The following SEPTIN10 variants were observed in gnomAD, a reference collection of about 807,000 sequenced individuals.
SEPTIN10 encodes the protein septin 10.
A neutral mutation model predicts 54.8 loss-of-function variants in SEPTIN10; 66 were observed. The ratio of observed to expected loss-of-function variants is 1.21; its 90% confidence interval spans 0.99 to 1.48. The LOEUF (loss-of-function observed/expected upper bound fraction) is 1.48, where lower values mean the gene tolerates loss of function less well. Among genes scored for constraint, SEPTIN10 ranks in the 40% most tolerant of loss-of-function variants. The pLI is 0.00. For synonymous variants in SEPTIN10, 161 were observed against 181.0 expected (o/e 0.89, Z 0.89); for missense variants, 620 against 545.6 (o/e 1.14, Z -1.36).
At chr2:109,560,579 C>G (rs1685435530) in intron 8 of SEPTIN10, among the ~76,000 whole-genome samples, 1 of 152,116 alleles carries the variant, frequency 6.6e-6, no homozygotes, top group African/African-American at 2.4e-5. Flanking sequence ...ATTTCTTTGG[C>G]CCATTGCTTT....
chr2:109,555,815 CTCT>C (rs1019951595), intron 8 of SEPTIN10, among the ~76,000 whole-genome samples: 1 of 152,188 alleles, frequency 6.6e-6, no homozygotes, highest in African/African-American at 2.4e-5. Context: ...GCAGGACGCT[CTCT>C]TCTTCTTCCC....
chr2:109,588,639 G>A (rs1034917738), intron 2 of SEPTIN10, among the ~76,000 whole-genome samples: 88 of 151,834 alleles, frequency 5.8e-4, no homozygotes, highest in Middle Eastern at 3.4e-3. Context: ...GATAATAGGC[G>A]CCCACCACGC....
chr2:109,583,360 A>C (rs1691671631), intron 4 of SEPTIN10, among the ~76,000 whole-genome samples: 1 of 152,254 alleles, frequency 6.6e-6, no homozygotes, highest in African/African-American at 2.4e-5. Flanking sequence ...AGACATGGAC[A>C]TACAAGCAGC....
At position 109,565,756 on chromosome 2, in the gene SEPTIN10, CA is replaced by C; in HGVS notation, c.859+6del. 6.2e-7 allele frequency: 1 copy of C among 1,610,794 alleles called. No homozygotes were observed. The highest frequency in any genetic ancestry group is 8.5e-7 in the Non-Finnish European group (1 of 1,177,078). ...ACATATTTCTAGTCATCCTTTGTCTCATTTACCTTGTACAACACCCCAAGGG... is the reference window on the plus strand; with the variant it reads ...ACATATTTCTAGTCATCCTTTGTCTCTTTACCTTGTACAACACCCCAAGGG... On this transcript the variant is annotated splice_donor_region_variant and intron_variant, in intron 7 of 10. Transcript: ENST00000397712.
At chr2:109,577,796 C>T (rs2105529862) in intron 4 of SEPTIN10, among the ~76,000 whole-genome samples, 2 of 150,538 alleles carry the variant, frequency 1.3e-5, no homozygotes, top group South Asian at 4.2e-4. Flanking sequence ...GACTGCAGTA[C>T]CAGCTACACA....
intron 8 of SEPTIN10, 34 bp downstream of exon 8, chr2:109,564,332 C>G (rs750266638): frequency 6.7e-7 from 1 of 1,484,716 alleles, no homozygotes; most frequent in Admixed American, 2.2e-5. Context: ...CTCTAACTTC[C>G]TCTTTGGTTG....
chr2:109,553,862 A>C (rs1683717558), intron 8 of SEPTIN10, among the ~76,000 whole-genome samples: 2 of 152,172 alleles, frequency 1.3e-5, no homozygotes, highest in Non-Finnish European at 2.9e-5. Flanking sequence ...TCAAAAAAAA[A>C]AAAAAAGTGA....
intron 1 of SEPTIN10, among the ~76,000 whole-genome samples, chr2:109,595,703 A>C (rs939052856): frequency 2.6e-5 from 4 of 152,254 alleles, no homozygotes; most frequent in African/African-American, 7.2e-5. Context: ...GAGAAAGTAC[A>C]GTAAGTGTAA....
At position 109,544,219 on chromosome 2, in the gene SEPTIN10, CAAAT is replaced by C. The variant is rs754721467; in HGVS notation, c.*86_*89del. Reference sequence around the variant, plus strand: ...TTCACCAAATATAGAAGTGATAAAACAAATAACAGCAAAATCAAAGCACACTTCT... The same window carrying C: ...TTCACCAAATATAGAAGTGATAAAACAACAGCAAAATCAAAGCACACTTCT... On this transcript the variant is annotated 3_prime_UTR_variant, in exon 11 of 11. Coordinates refer to ENST00000397712, the MANE Select transcript of SEPTIN10 (RefSeq NM_144710.5). 1.7e-5 allele frequency: 27 copies of C among 1,609,944 alleles called. No homozygotes were observed. Among genetic ancestry groups the C allele is most frequent in the Admixed American group, 1.0e-4 (6 of 59,772 alleles).
At chr2:109,548,427 G>T (rs1392018135) in intron 9 of SEPTIN10, among the ~76,000 whole-genome samples, 1 of 152,098 alleles carries the variant, frequency 6.6e-6, no homozygotes, top group Non-Finnish European at 1.5e-5. Flanking sequence ...GGCTCATTGA[G>T]GTTTACAGGC....
At chr2:109,547,532 T>C (rs994166769) in intron 9 of SEPTIN10, among the ~76,000 whole-genome samples, 100 of 152,248 alleles carry the variant, frequency 6.6e-4, no homozygotes, top group African/African-American at 2.4e-3. Flanking sequence ...AATTCAGCAG[T>C]TTTTCACCTC....
intron 2 of SEPTIN10, among the ~76,000 whole-genome samples, chr2:109,587,170 GA>G (rs2105819968): frequency 6.6e-6 from 1 of 152,232 alleles, no homozygotes; most frequent in East Asian, 1.9e-4. Flanking sequence ...GGGAATTACA[GA>G]AAGATATGAA....
intron 9 of SEPTIN10, among the ~76,000 whole-genome samples, chr2:109,547,934 A>G (rs1681730689): frequency 6.6e-6 from 1 of 152,156 alleles, no homozygotes; most frequent in Admixed American, 6.5e-5. Flanking sequence ...AACCCTTAGC[A>G]CACATGTGCT....
At position 109,613,936 on chromosome 2, in the gene SEPTIN10, G is replaced by C. The variant is rs1354470745; in HGVS notation, c.-109C>G. 2 of 1,218,092 alleles carry C rather than the reference G, an allele frequency of 1.6e-6. No individual in the cohort carries two copies. The highest frequency in any genetic ancestry group is 1.6e-5 in the African/African-American group (1 of 63,742). The allele number at this position is 1,218,092 out of a possible 1,614,324, so 75.5% of individuals were successfully genotyped here. ...AGGGCAGAAGCAACGGGCGGGGCGCGAGGCTAGGCTGCCTCCGCGACGGGG... is the reference window on the plus strand; with the variant it reads ...AGGGCAGAAGCAACGGGCGGGGCGCCAGGCTAGGCTGCCTCCGCGACGGGG... On this transcript the variant is annotated 5_prime_UTR_variant, in exon 1 of 11. Coordinates refer to ENST00000397712, the MANE Select transcript of SEPTIN10 (RefSeq NM_144710.5).
chr2:109,613,963 A>G lies in SEPTIN10; in HGVS notation c.-136T>C. On this transcript the variant is annotated 5_prime_UTR_variant, in exon 1 of 11. Coordinates refer to ENST00000397712, the MANE Select transcript of SEPTIN10 (RefSeq NM_144710.5). Reference sequence around the variant, plus strand: ...GGCTAGGCTGCCTCCGCGACGGGGAAGGGACAGGGGCGGGGCCGAGCTGGA... The same window carrying G: ...GGCTAGGCTGCCTCCGCGACGGGGAGGGGACAGGGGCGGGGCCGAGCTGGA... 1 of 1,049,224 alleles carries G rather than the reference A, an allele frequency of 9.5e-7. No individual in the cohort carries two copies. Among genetic ancestry groups the G allele is most frequent in the Non-Finnish European group, 1.1e-6 (1 of 869,916 alleles). 65.0% of individuals were successfully genotyped at this position (1,049,224 alleles called of 1,614,324 possible).
In SEPTIN10 at chr2:109,551,039, A is replaced by T. The variant is rs569990418; in HGVS notation, c.1161+2048T>A. The stretch of plus-strand genomic sequence containing the variant: ...TACTTTTTCTTAAAGTGGGGAGGGT[A>T]TATAGGAAATCCGTCTGTCATATGC... On this transcript the variant is annotated intron_variant, in intron 9 of 10. Transcript: ENST00000397712. Among the ~76,000 whole-genome samples the T allele has an allele frequency of 9.8e-5, 15 of 152,332 alleles. No individual in the cohort carries two copies. In the South Asian group the frequency reaches 3.1e-3, roughly 32 times the overall value.
chr2:109,558,122 T>C (rs949978063), intron 8 of SEPTIN10, among the ~76,000 whole-genome samples: 1 of 152,172 alleles, frequency 6.6e-6, no homozygotes, highest in East Asian at 1.9e-4. Context: ...AACATACTAC[T>C]GTTGTTGCAA....
chr2:109,606,328 T>C (rs1213552940), intron 1 of SEPTIN10, among the ~76,000 whole-genome samples: 6 of 142,952 alleles, frequency 4.2e-5, no homozygotes, highest in Non-Finnish European at 9.7e-5. Context: ...GGCAGGAGAA[T>C]CGTTTGAACC....
chr2:109,600,203 C>T (rs1696313288), intron 1 of SEPTIN10, among the ~76,000 whole-genome samples: 1 of 152,180 alleles, frequency 6.6e-6, no homozygotes. Flanking sequence ...GGCTTCCTCC[C>T]TTCTTTCCTT....
Sources: gnomAD v4.1 joint callset for allele counts (sites outside exome capture counted in the v4.1 genomes callset) on GRCh38, gnomAD v4.1.1 for gene constraint, MANE v1.5 for transcripts, NCBI Gene and HGNC (gene_info 2026-07-23, HGNC 2026-07-21) for gene names.